Variants in POLR1A observed in about 807,000 individuals in gnomAD.
POLR1A encodes RNA polymerase I subunit A.
POLR1A carries 84 observed loss-of-function variants against 205.3 expected under a neutral mutation model. The observed-to-expected ratio is 0.41, with a 90% CI of 0.34 to 0.49. The LOEUF is 0.49. Ranked by LOEUF, POLR1A falls within the 20% of genes least tolerant of loss-of-function variation. The pLI, the probability that POLR1A is intolerant of heterozygous loss-of-function variation, is 0.22. For missense variants in POLR1A, 1,645 were observed against 2,204.5 expected (o/e 0.75, Z 5.08); for synonymous variants, 799 against 863.7 (o/e 0.93, Z 1.31).
intron 23 of POLR1A, 151 bp downstream of exon 23, chr2:86,042,823 T>A: frequency 1.5e-6 from 1 of 656,642 alleles, no homozygotes; most frequent in Non-Finnish European, 2.7e-6. Flanking sequence ...CCACCTTACA[T>A]TCCCATTTGA....
intron 19 of POLR1A, among the ~76,000 whole-genome samples, 185 bp downstream of exon 19, chr2:86,046,980 T>G (rs1170036990): frequency 1.3e-5 from 2 of 152,254 alleles, no homozygotes; most frequent in African/African-American, 2.4e-5. Context: ...CCCATCTGCA[T>G]ATTCATAACT....
chr2:86,034,066 C>A (rs1044532557), intron 27 of POLR1A, among the ~76,000 whole-genome samples: 2 of 152,218 alleles, frequency 1.3e-5, no homozygotes, highest in African/African-American at 4.8e-5. Flanking sequence ...GCTTTAAGCC[C>A]CATTGTCTAG....
rs375513079 is a variant in POLR1A at position 86,075,183 on chromosome 2, G to A, written c.1458C>T (p.Asn486=). Residue 486 remains asparagine (N), a synonymous_variant, in exon 12 of 34, where the codon AAC becomes AAT. Coordinates refer to ENST00000263857, the MANE Select transcript of POLR1A (RefSeq NM_015425.6). ...NVQELRQAVI[N]GPNVHPGASM... is the part of the protein sequence containing the mutation. The stretch of plus-strand genomic sequence containing the variant: ...AGGCTCCTGGGTGCACATTAGGGCC[G>A]TTGATGACCGCTTGCCTAAGTTCCT... 12 of 1,613,204 alleles carry A rather than the reference G, an allele frequency of 7.4e-6. No individual in the cohort carries two copies. The highest frequency in any genetic ancestry group is 3.3e-4 in the Middle Eastern group (2 of 6,080).
chr2:86,072,501 C>A (rs1268981930), intron 12 of POLR1A, among the ~76,000 whole-genome samples: 1 of 152,264 alleles, frequency 6.6e-6, no homozygotes, highest in African/African-American at 2.4e-5. Context: ...GTCTGGTAGG[C>A]ACCGGCCAAT....
At chr2:86,045,874 G>T in intron 19 of POLR1A, 105 bp from the exon 20 acceptor site, 1 of 990,774 alleles carries the variant, frequency 1.0e-6, no homozygotes, top group Non-Finnish European at 1.5e-6. Flanking sequence ...AAAGCTGCAT[G>T]GAAACCGAGT....
intron 27 of POLR1A, among the ~76,000 whole-genome samples, chr2:86,036,185 G>C: frequency 6.6e-6 from 1 of 152,222 alleles, no homozygotes; most frequent in East Asian, 1.9e-4. Context: ...TGTTTGGAAA[G>C]TCAGATTCAC....
rs1690188461 is a variant in POLR1A, at chr2:86,023,386, T to G, written c.*4037A>C. 6.6e-6 allele frequency: 1 copy of G among 152,110 alleles called. No homozygotes were observed. The highest frequency in any genetic ancestry group is 1.5e-5 in the Non-Finnish European group (1 of 68,032). The allele number at this position is 152,110 out of a possible 1,614,324, so 9.4% of individuals were successfully genotyped here. A position where few individuals can be genotyped will look rare whatever the true frequency, so the allele number is the denominator to read the frequency against. The stretch of plus-strand genomic sequence containing the variant: ...CCAGTCTTTTCTATTTCAAGAGCAG[T>G]CTGGACTCTGACAGCCCCTGATTCA... On this transcript the variant is annotated 3_prime_UTR_variant, in exon 34 of 34. Transcript: ENST00000263857.
chr2:86,092,443 G>A (rs781349346), intron 3 of POLR1A, among the ~76,000 whole-genome samples: 84 of 152,264 alleles, frequency 5.5e-4, no homozygotes, highest in Non-Finnish European at 9.4e-4. Flanking sequence ...ACTAGTCCCT[G>A]TGAGGACACC....
chr2:86,064,594 G>A (rs57601678), intron 14 of POLR1A, among the ~76,000 whole-genome samples: 1 of 152,036 alleles, frequency 6.6e-6, no homozygotes, highest in Admixed American at 6.5e-5. Flanking sequence ...TTAGTCGTGA[G>A]TATTAAATCA....
chr2:86,057,920 T>A (rs1355257113), intron 14 of POLR1A, among the ~76,000 whole-genome samples: 2 of 152,050 alleles, frequency 1.3e-5, no homozygotes, highest in Non-Finnish European at 2.9e-5. Flanking sequence ...AACCTACTTA[T>A]ACACTTTGAA....
At chr2:86,104,194 G>T (rs1403927352) in intron 1 of POLR1A, among the ~76,000 whole-genome samples, 5 of 152,142 alleles carry the variant, frequency 3.3e-5, no homozygotes, top group African/African-American at 1.2e-4. Flanking sequence ...CTTGAGAGGT[G>T]TAAGGGGAGG....
intron 13 of POLR1A, among the ~76,000 whole-genome samples, chr2:86,068,389 G>GGC (rs911280329): frequency 8.4e-6 from 1 of 118,390 alleles, no homozygotes; most frequent in Non-Finnish European, 1.8e-5. Flanking sequence ...ACATGGGCGG[G>GGC]GGGGGGGGGC....
At chr2:86,029,008 CTG>C (rs900767320) in intron 31 of POLR1A, among the ~76,000 whole-genome samples, 1 of 152,212 alleles carries the variant, frequency 6.6e-6, no homozygotes, top group African/African-American at 2.4e-5. Context: ...TATTTTTAAA[CTG>C]AGACCTGTTT....
At position 86,027,562 on chromosome 2, in the gene POLR1A, T is replaced by C. The variant is rs377383225; in HGVS notation, c.5063-39A>G. 962 of 1,559,040 alleles carry C rather than the reference T, an allele frequency of 6.2e-4. 8 individuals are homozygous for C. The highest frequency in any genetic ancestry group is 4.1e-3 in the South Asian group (371 of 90,032). ...AAAAACATGTGTCAGGGTGTTGAGG[T>C]AGAAGTTGGGAATGTCATGAGGTGA... On this transcript the variant is annotated intron_variant, in intron 33 of 33. Transcript: ENST00000263857.
chr2:86,085,854 A>C (rs1673495682), intron 6 of POLR1A, among the ~76,000 whole-genome samples: 1 of 152,268 alleles, frequency 6.6e-6, no homozygotes, highest in African/African-American at 2.4e-5. Flanking sequence ...AAAGGGATTC[A>C]GAGGTCAAAT....
intron 14 of POLR1A, among the ~76,000 whole-genome samples, chr2:86,062,382 C>T (rs866023841): frequency 1.2e-4 from 18 of 151,660 alleles, no homozygotes; most frequent in Middle Eastern, 6.8e-3. Context: ...GAAATTAAAC[C>T]GGAAATCAAC....
chr2:86,043,152 G>T lies in POLR1A; in HGVS notation c.3179C>A (p.Ala1060Glu). The change falls in exon 23 of 34, where the codon GCA (alanine) becomes GAA (glutamate). Residue 1060 changes from alanine to glutamate, a missense_variant. This residue lies in a region of POLR1A where 201 missense variants were observed against 222.3 expected (regional missense o/e 0.90). Transcript: ENST00000263857. The part of the protein sequence containing the change: ...SQHLHEVLSR[A>E]DPKKALHHFR... ...GTGGTGGAGAGCTTTTTTGGGATCTGCTCTGGATAAAACTTCATGGAGATG... is the reference window on the plus strand; with the variant it reads ...GTGGTGGAGAGCTTTTTTGGGATCTTCTCTGGATAAAACTTCATGGAGATG... 6.2e-7 allele frequency: 1 copy of T among 1,613,966 alleles called. No homozygotes were observed. Among genetic ancestry groups the T allele is most frequent in the East Asian group, 2.2e-5 (1 of 44,888 alleles).
chr2:86,094,112 A>G lies in POLR1A; in HGVS notation c.433-4183T>C, dbSNP rs540130092. On this transcript the variant is annotated intron_variant, in intron 3 of 33. Transcript: ENST00000263857. ...TATGCTTCACTTTGATCACTTGAATAAAGGGGTGACTGCCAGGCAAGAAGT... is the reference window on the plus strand; with the variant it reads ...TATGCTTCACTTTGATCACTTGAATGAAGGGGTGACTGCCAGGCAAGAAGT... Among the ~76,000 whole-genome samples, 4 of 152,322 alleles carry G rather than the reference A, an allele frequency of 2.6e-5. No homozygotes were observed. The East Asian group carries it at 7.7e-4, about 29-fold the overall frequency.
chr2:86,066,839 A>C (rs1206633121), intron 13 of POLR1A, among the ~76,000 whole-genome samples: 1 of 152,232 alleles, frequency 6.6e-6, no homozygotes, highest in Non-Finnish European at 1.5e-5. Context: ...TGGAGCACAC[A>C]GCCCCTCTTA....
Sources: gnomAD v4.1 joint callset for allele counts (sites outside exome capture counted in the v4.1 genomes callset) on GRCh38, gnomAD v4.1.1 for gene constraint, gnomAD v4.1.1 regional missense constraint, MANE v1.5 for transcripts, NCBI Gene and HGNC (gene_info 2026-07-23, HGNC 2026-07-21) for gene names.